CDH18: variants seen among roughly 807,000 people sequenced by gnomAD.
CDH18 encodes the protein cadherin 18, also known as cadherin-18.
A neutral mutation model predicts 67.9 loss-of-function variants in CDH18; 31 were observed. That is an observed-to-expected ratio of 0.46 (90% CI 0.34 to 0.62). CDH18 has a LOEUF of 0.62. Among genes scored for constraint, CDH18 ranks in the 20% least tolerant of loss-of-function variants. The pLI is 0.01. For missense variants in CDH18, 890 were observed against 975.5 expected, an observed-to-expected ratio of 0.91 and a Z score of 1.17; for synonymous variants, 362 against 347.2, an observed-to-expected ratio of 1.04 and a Z score of -0.48.
intron 1 of CDH18, among the ~76,000 whole-genome samples, chr5:20,569,472 A>G (rs192104372): frequency 6.6e-6 from 1 of 152,136 alleles, no homozygotes; most frequent in African/African-American, 2.4e-5. Flanking sequence ...AATACAAATA[A>G]TTAGCCAGGC....
chr5:19,595,219 C>A (rs1210489122), intron 6 of CDH18, among the ~76,000 whole-genome samples: 1 of 151,782 alleles, frequency 6.6e-6, no homozygotes, highest in Non-Finnish European at 1.5e-5. Flanking sequence ...TATAAATAAA[C>A]TAAGGAAGTG....
chr5:19,715,391 T>C (rs7734875), intron 5 of CDH18, among the ~76,000 whole-genome samples: 49,943 of 152,024 alleles, frequency 0.33, 8,393 homozygotes, highest in African/African-American at 0.41. Context: ...GAAAAGGTCA[T>C]CTTGAAGAAT....
In CDH18 at chr5:19,960,561, A is replaced by ATGTGTGTGTGTG. The variant is rs146985982; in HGVS notation, c.-257+20487_-257+20498dup. On this transcript the variant is annotated intron_variant, in intron 2 of 12. Coordinates refer to ENST00000382275, the MANE Select transcript of CDH18 (RefSeq NM_004934.5). ...GTTTAATATACGTGTGTGTGTGTGT[A>ATGTGTGTGTGTG]TGTGTGTGTGTGTGTGTGTGTGTGT... Among the ~76,000 whole-genome samples, 6 of 121,532 alleles carry ATGTGTGTGTGTG rather than the reference A, an allele frequency of 4.9e-5. No homozygotes were observed. The East Asian group carries it at 1.5e-3, about 30-fold the overall frequency. The allele number at this position is 121,532 out of a possible 152,430, so 79.7% of individuals were successfully genotyped here. A position where few individuals can be genotyped will look rare whatever the true frequency, so the allele number is the denominator to read the frequency against.
At chr5:20,146,617 T>TA (rs11327817) in intron 2 of CDH18, among the ~76,000 whole-genome samples, 8 of 145,808 alleles carry the variant, frequency 5.5e-5, no homozygotes, top group East Asian at 4.0e-4. Context: ...ACTAATTTTG[T>TA]AAAAAAAAAA....
intron 1 of CDH18, among the ~76,000 whole-genome samples, chr5:20,444,325 G>T (rs930555379): frequency 6.6e-6 from 1 of 152,318 alleles, no homozygotes; most frequent in Non-Finnish European, 1.5e-5. Context: ...AGTTTAAAAG[G>T]TGTGAGGAAT....
At chr5:20,065,772 C>A (rs559450462) in intron 2 of CDH18, among the ~76,000 whole-genome samples, 1 of 151,988 alleles carries the variant, frequency 6.6e-6, no homozygotes, top group South Asian at 2.1e-4. Flanking sequence ...AAAATTTTTA[C>A]TTAATGTGTT....
intron 9 of CDH18, among the ~76,000 whole-genome samples, chr5:19,521,733 A>T (rs1746929112): frequency 6.6e-6 from 1 of 152,102 alleles, no homozygotes; most frequent in African/African-American, 2.4e-5. Context: ...AGAAAATCTA[A>T]GTAGTGCTGT....
intron 1 of CDH18, among the ~76,000 whole-genome samples, chr5:20,558,114 T>C (rs1371181393): frequency 3.9e-5 from 6 of 152,062 alleles, no homozygotes; most frequent in Admixed American, 3.9e-4. Flanking sequence ...CTGTTCATTG[T>C]TTCATTTCAG....
chr5:20,285,844 G>A (rs1170770234), intron 1 of CDH18, among the ~76,000 whole-genome samples: 1 of 151,516 alleles, frequency 6.6e-6, no homozygotes, highest in Non-Finnish European at 1.5e-5. Context: ...TATAATATTT[G>A]CTATTTGAGT....
intron 3 of CDH18, among the ~76,000 whole-genome samples, chr5:19,828,860 A>T (rs1780711516): frequency 6.6e-6 from 1 of 152,138 alleles, no homozygotes; most frequent in Non-Finnish European, 1.5e-5. Flanking sequence ...CAACATGGTG[A>T]AACCCTGTCT....
intron 1 of CDH18, among the ~76,000 whole-genome samples, chr5:20,560,801 T>C (rs978737632): frequency 9.9e-5 from 15 of 152,012 alleles, no homozygotes; most frequent in Non-Finnish European, 1.6e-4. Context: ...ATTCTTAAGT[T>C]ACATGCAATA....
chr5:20,322,807 G>A (rs1738167209), intron 1 of CDH18, among the ~76,000 whole-genome samples: 1 of 152,082 alleles, frequency 6.6e-6, no homozygotes, highest in South Asian at 2.1e-4. Context: ...TGAAATTATT[G>A]TCTTCATAAA....
At chr5:20,435,935 T>C (rs1484979984) in intron 1 of CDH18, among the ~76,000 whole-genome samples, 1 of 152,070 alleles carries the variant, frequency 6.6e-6, no homozygotes, top group Non-Finnish European at 1.5e-5. Flanking sequence ...ATCACGTTTA[T>C]ATTGCCTTTT....
chr5:19,984,986 A>G (rs977078052), intron 1 of CDH18, among the ~76,000 whole-genome samples: 1 of 152,186 alleles, frequency 6.6e-6, no homozygotes, highest in African/African-American at 2.4e-5. Flanking sequence ...CTCCCAAAAT[A>G]TAATAGTAGA....
chr5:20,052,691 A>G lies in CDH18; in HGVS notation c.-517-60677T>C, dbSNP rs1199370329. Among the ~76,000 whole-genome samples, 5 of 152,124 alleles carry G rather than the reference A, an allele frequency of 3.3e-5. No homozygotes were observed. In the East Asian group the frequency reaches 9.6e-4, roughly 29 times the overall value. ...TGTCTCACTATCAAAATATATCAGTAACAGCTCTTATTAAATGTATTATTT... is the reference window on the plus strand; with the variant it reads ...TGTCTCACTATCAAAATATATCAGTGACAGCTCTTATTAAATGTATTATTT... On this transcript the variant is annotated intron_variant, in intron 2 of 14. Coordinates refer to the CDH18 transcript ENST00000507958.
chr5:20,117,551 A>C lies in CDH18; in HGVS notation c.-517-125537T>G, dbSNP rs191361680. Among the ~76,000 whole-genome samples, 520 of 152,312 alleles carry C rather than the reference A, an allele frequency of 3.4e-3. 1 individual carries two copies. The highest frequency in any genetic ancestry group is 5.2e-3 in the Non-Finnish European group (355 of 67,988). On this transcript the variant is annotated intron_variant, in intron 2 of 14. Transcript: ENST00000507958. Reference sequence around the variant, plus strand: ...TAAATTGAGGATCTATTAAGTAATAAGTAGGATGTAGTTTTATAATCACCT... The same window carrying C: ...TAAATTGAGGATCTATTAAGTAATACGTAGGATGTAGTTTTATAATCACCT...
At chr5:20,127,251 T>C (rs1035298725) in intron 2 of CDH18, among the ~76,000 whole-genome samples, 2 of 152,136 alleles carry the variant, frequency 1.3e-5, no homozygotes, top group South Asian at 4.1e-4. Context: ...ACATGGTGTT[T>C]ACTTCCCCTT....
intron 4 of CDH18, among the ~76,000 whole-genome samples, chr5:19,742,178 T>C (rs1290210985): frequency 8.5e-5 from 13 of 152,314 alleles, no homozygotes; most frequent in African/African-American, 2.6e-4. Flanking sequence ...AACCACATTA[T>C]GCTTTTCTCA....
intron 5 of CDH18, among the ~76,000 whole-genome samples, chr5:19,699,974 C>T (rs1763025873): frequency 6.6e-6 from 1 of 152,030 alleles, no homozygotes; most frequent in Admixed American, 6.6e-5. Context: ...ACTTGTACCC[C>T]TTAAATGTAT....
Sources: gnomAD v4.1 joint callset for allele counts (sites outside exome capture counted in the v4.1 genomes callset) on GRCh38, gnomAD v4.1.1 for gene constraint, MANE v1.5 for transcripts, NCBI Gene and HGNC (gene_info 2026-07-23, HGNC 2026-07-21) for gene names.